PARP4: variants seen among roughly 807,000 people sequenced by gnomAD.
PARP4 encodes the protein poly(ADP-ribose) polymerase family member 4.
Under a neutral mutation model 187.7 loss-of-function variants are expected in PARP4, and 120 were observed. The observed-to-expected ratio is 0.64, with a 90% CI of 0.55 to 0.74. The LOEUF is 0.74. Among genes scored for constraint, PARP4 ranks in the 30% least tolerant of loss-of-function variants. The probability of loss-of-function intolerance (pLI) is 0.00; values close to 1 mark genes in which losing one functional copy is unlikely to be tolerated. For synonymous variants in PARP4, 654 were observed against 740.9 expected, an observed-to-expected ratio of 0.88 and a Z score of 1.90; for missense variants, 1,836 against 2,070.5, an observed-to-expected ratio of 0.89 and a Z score of 2.20.
At chr13:24,442,901 G>A (rs996614119) in intron 28 of PARP4, among the ~76,000 whole-genome samples, 17 of 151,920 alleles carry the variant, frequency 1.1e-4, no homozygotes, top group Admixed American at 4.6e-4. Context: ...GAGCTCTCCC[G>A]GGCAGTGGGC....
At position 24,507,549 on chromosome 13, in the gene PARP4, G is replaced by C. The variant is rs190757133; in HGVS notation, c.-1-3772C>G. 4.6e-3 allele frequency among the ~76,000 whole-genome samples: 707 copies of C among 152,234 alleles called. 1 individual carries two copies. Among genetic ancestry groups the C allele is most frequent in the Non-Finnish European group, 7.0e-3 (478 of 68,018 alleles). On this transcript the variant is annotated intron_variant, in intron 1 of 33. Coordinates refer to ENST00000381989, the MANE Select transcript of PARP4 (RefSeq NM_006437.4). ...CCTGCACCCCCATCTCCTTCTGCCA[G>C]CTGTATCTCTTCCATCACAGCCCCT...
At chr13:24,466,969 ATT>A (rs2137494768) in intron 17 of PARP4, among the ~76,000 whole-genome samples, 1 of 152,316 alleles carries the variant, frequency 6.6e-6, no homozygotes, top group East Asian at 1.9e-4. Context: ...CAGATCAATA[ATT>A]GTATTAAATA....
chr13:24,457,804 G>GA (rs1237268667), intron 20 of PARP4, among the ~76,000 whole-genome samples: 1 of 123,766 alleles, frequency 8.1e-6, no homozygotes, highest in Non-Finnish European at 1.7e-5. Context: ...AAAGAAAAAA[G>GA]AAAAAAAGAA....
In PARP4 at chr13:24,452,394, T is replaced by A. The variant is rs1462596681; in HGVS notation, c.3014+12A>T. 7 of 1,606,654 alleles carry A rather than the reference T, an allele frequency of 4.4e-6. No individual in the cohort carries two copies. In the Admixed American group the frequency reaches 1.2e-4, roughly 27 times the overall value. Reference sequence around the variant, plus strand: ...TGGGTCTGGACTATGTGACCAGCTCTCTGAGACTCACCCGATACCGCAGGC... The same window carrying A: ...TGGGTCTGGACTATGTGACCAGCTCACTGAGACTCACCCGATACCGCAGGC... On this transcript the variant is annotated intron_variant, in intron 24 of 33. Transcript: ENST00000381989.
chr13:24,480,368 C>T (rs1445199220), intron 12 of PARP4, among the ~76,000 whole-genome samples: 2 of 152,094 alleles, frequency 1.3e-5, no homozygotes, highest in Admixed American at 6.5e-5. Context: ...TAATAATAAC[C>T]CTACAGCGGC....
intron 18 of PARP4, 94 bp downstream of exon 18, chr13:24,459,876 CAT>C (rs970028745): frequency 1.4e-4 from 130 of 941,604 alleles, no homozygotes; most frequent in Admixed American, 4.0e-4. Flanking sequence ...GATTATTTTA[CAT>C]GTTTTTCTCC....
intron 2 of PARP4, 121 bp from the exon 3 acceptor site, chr13:24,501,955 A>G (rs1353865562): frequency 1.5e-6 from 1 of 648,584 alleles, no homozygotes; most frequent in Non-Finnish European, 2.6e-6. Flanking sequence ...TCTTTCTCAA[A>G]TTTCGAAAAA....
chr13:24,472,364 G>A (rs1819454947), intron 15 of PARP4, among the ~76,000 whole-genome samples: 1 of 152,166 alleles, frequency 6.6e-6, no homozygotes. Flanking sequence ...GCTGCCTTGA[G>A]GATGTGTGTA....
chr13:24,457,223 G>A (rs1379560834), intron 20 of PARP4, among the ~76,000 whole-genome samples: 1 of 152,086 alleles, frequency 6.6e-6, no homozygotes, highest in Admixed American at 6.6e-5. Context: ...ATGTAAATAA[G>A]CTTTACAACA....
At chr13:24,473,664 C>T (rs942244765) in intron 15 of PARP4, among the ~76,000 whole-genome samples, 6 of 152,168 alleles carry the variant, frequency 3.9e-5, no homozygotes, top group Admixed American at 6.5e-5. Flanking sequence ...GCTGTCTCAT[C>T]TTCTCTCCTC....
chr13:24,458,613 T>A (rs527781658), intron 20 of PARP4, among the ~76,000 whole-genome samples: 2 of 152,250 alleles, frequency 1.3e-5, no homozygotes, highest in African/African-American at 4.8e-5. Context: ...AAACTCATCA[T>A]AATATTATAC....
At chr13:24,430,354 TA>T (rs971579741) in intron 32 of PARP4, among the ~76,000 whole-genome samples, 178 of 151,338 alleles carry the variant, frequency 1.2e-3, no homozygotes, top group Non-Finnish European at 2.0e-3. Flanking sequence ...GTATTTTATT[TA>T]AAAAAAAAAT....
At chr13:24,493,816 T>C in intron 7 of PARP4, 83 bp from the exon 8 acceptor site, 2 of 1,355,006 alleles carry the variant, frequency 1.5e-6, no homozygotes, top group Non-Finnish European at 2.1e-6. Context: ...CGAACAGAGG[T>C]GTGAGGAGAA....
At chr13:24,461,464 A>G (rs1227290458) in intron 17 of PARP4, among the ~76,000 whole-genome samples, 1 of 152,216 alleles carries the variant, frequency 6.6e-6, no homozygotes, top group Non-Finnish European at 1.5e-5. Context: ...TTTTGAACTC[A>G]TCAACCAAGC....
chr13:24,425,320 A>T (rs1157141594), intron 33 of PARP4, among the ~76,000 whole-genome samples: 1 of 152,114 alleles, frequency 6.6e-6, no homozygotes, highest in Non-Finnish European at 1.5e-5. Flanking sequence ...ATAAATAAAT[A>T]TCAATCTTAT....
chr13:24,478,363 G>C (rs1873100312), intron 12 of PARP4, 87 bp from the exon 13 acceptor site: 2 of 825,492 alleles, frequency 2.4e-6, no homozygotes, highest in South Asian at 6.3e-5. Flanking sequence ...CTGGTAAACT[G>C]TTCTAAATTT....
intron 6 of PARP4, among the ~76,000 whole-genome samples, 173 bp from the exon 7 acceptor site, chr13:24,494,895 A>G (rs1868862932): frequency 7.8e-6 from 1 of 128,438 alleles, no homozygotes; most frequent in African/African-American, 3.0e-5. Flanking sequence ...TTTTTGAGAC[A>G]GGGTCTTGCT....
Position 24,490,744 on chromosome 13 carries a change from A to G in PARP4, c.1138T>C (p.Cys380Arg), listed in dbSNP as rs768276850. ...PSLAKYRALR[C>R]KIEHVEQNTE... is the part of the protein sequence containing the mutation. ...TTCTGTTCAACATGCTCAATTTTGC[A>G]CCTCAAAGCTCGGTATTTGGCCAGG... The change falls in exon 10 of 34, where the codon TGC becomes CGC. Residue 380 changes from cysteine (C) to arginine (R), a missense_variant. Physicochemically the swap from Cys to Arg is radical, Grantham distance 180. This residue lies in a region of PARP4 where 1,147 missense variants were observed against 1,214.2 expected (regional missense o/e 0.94). Transcript: ENST00000381989. 3.1e-6 allele frequency: 5 copies of G among 1,614,082 alleles called. No homozygotes were observed. In the African/African-American group the frequency reaches 5.3e-5, roughly 17 times the overall value.
chr13:24,450,138 A>G (rs1435141226), intron 24 of PARP4, among the ~76,000 whole-genome samples: 1 of 152,162 alleles, frequency 6.6e-6, no homozygotes, highest in Non-Finnish European at 1.5e-5. Flanking sequence ...GCTGACAAAG[A>G]TATCAACTTA....
Sources: allele counts gnomAD v4.1 joint callset (sites outside exome capture counted in the v4.1 genomes callset), GRCh38; gene constraint gnomAD v4.1.1; regional missense constraint gnomAD v4.1.1; transcripts MANE v1.5; gene names NCBI Gene and HGNC (gene_info 2026-07-23, HGNC 2026-07-21).